Variants in ATP8B4 observed in about 807,000 individuals in gnomAD.
ATP8B4 encodes probable phospholipid-transporting ATPase IM.
A neutral mutation model predicts 145.6 loss-of-function variants in ATP8B4; 133 were observed. That is an observed-to-expected ratio of 0.91 (90% confidence interval 0.79 to 1.05). ATP8B4 has a LOEUF of 1.05. ATP8B4 is among the 50% of genes least tolerant of loss of function. The probability of loss-of-function intolerance (pLI) is 0.00; values close to 1 mark genes in which losing one functional copy is unlikely to be tolerated. For synonymous variants in ATP8B4, 507 were observed against 492.9 expected (o/e 1.03, Z -0.38); for missense variants, 1,458 against 1,425.2 (o/e 1.02, Z -0.37).
chr15:50,128,894 C>G (rs952760591), intron 1 of ATP8B4, among the ~76,000 whole-genome samples: 3 of 152,032 alleles, frequency 2.0e-5, no homozygotes, highest in Non-Finnish European at 2.9e-5. Flanking sequence ...ATGGTGAAAC[C>G]CTGTCTCTAC....
chr15:49,982,806 A>T (rs980327348), intron 10 of ATP8B4, among the ~76,000 whole-genome samples: 1 of 152,140 alleles, frequency 6.6e-6, no homozygotes, highest in Non-Finnish European at 1.5e-5. Context: ...CCCACTCGTT[A>T]CTCAACCCAG....
chr15:49,899,287 TCC>T (rs2037761993), intron 21 of ATP8B4, among the ~76,000 whole-genome samples: 1 of 152,156 alleles, frequency 6.6e-6, no homozygotes, highest in South Asian at 2.1e-4. Flanking sequence ...TAAATTTGTC[TCC>T]CTCTGTGCTC....
intron 6 of ATP8B4, among the ~76,000 whole-genome samples, chr15:50,021,271 T>G (rs1256731353): frequency 6.6e-6 from 1 of 152,248 alleles, no homozygotes. Flanking sequence ...ACCGTCATTC[T>G]GCTCTTGTCT....
intron 14 of ATP8B4, among the ~76,000 whole-genome samples, chr15:49,944,741 G>T (rs144766077): frequency 6.6e-6 from 1 of 152,088 alleles, no homozygotes; most frequent in African/African-American, 2.4e-5. Context: ...AAAACATTCT[G>T]CCCAACAACA....
At position 49,979,673 on chromosome 15, in the gene ATP8B4, T is replaced by A. The variant is rs773212330; in HGVS notation, c.978A>T (p.Thr326=). The part of the protein sequence containing the change: ...EKSSVFSGFL[T]FWSYIIILNT... ...TGAGAATAATAATATATGACCAGAATGTTAAGAATCCGGAGAACACAGAGC... is the reference window on the plus strand; with the variant it reads ...TGAGAATAATAATATATGACCAGAAAGTTAAGAATCCGGAGAACACAGAGC... The change falls in exon 12 of 28, where the codon ACA becomes ACT. Residue 326 remains threonine, a synonymous_variant. Transcript: ENST00000284509. 11 of 1,605,274 alleles carry A rather than the reference T, an allele frequency of 6.9e-6. No homozygotes were observed. Among genetic ancestry groups the A allele is most frequent in the Non-Finnish European group, 9.4e-6 (11 of 1,173,786 alleles).
intron 6 of ATP8B4, among the ~76,000 whole-genome samples, chr15:50,014,105 T>C (rs2048915856): frequency 6.6e-6 from 1 of 152,212 alleles, no homozygotes; most frequent in Non-Finnish European, 1.5e-5. Context: ...CATGTTCTAA[T>C]GCTCCTGATT....
intron 2 of ATP8B4, among the ~76,000 whole-genome samples, chr15:50,100,035 CAAAA>C (rs751319243): frequency 6.2e-5 from 5 of 80,254 alleles, no homozygotes; most frequent in Admixed American, 5.3e-4. Flanking sequence ...AACTCCATCT[CAAAA>C]AAAAAAAAAA....
intron 6 of ATP8B4, among the ~76,000 whole-genome samples, chr15:50,024,266 T>C (rs1383769012): frequency 6.6e-6 from 1 of 152,066 alleles, no homozygotes; most frequent in African/African-American, 2.4e-5. Context: ...TTCCAACAGA[T>C]ACTTAATAAC....
chr15:50,137,345 G>A (rs1299117182), intron 1 of ATP8B4, among the ~76,000 whole-genome samples: 1 of 152,084 alleles, frequency 6.6e-6, no homozygotes, highest in African/African-American at 2.4e-5. Flanking sequence ...CATGTTAGCC[G>A]GCACATTCTG....
intron 2 of ATP8B4, among the ~76,000 whole-genome samples, chr15:50,103,852 C>G (rs1281156815): frequency 3.3e-5 from 5 of 152,052 alleles, no homozygotes; most frequent in Non-Finnish European, 7.4e-5. Flanking sequence ...CCCTAGGCAC[C>G]AAAACAGCAT....
chr15:50,087,161 A>G lies in ATP8B4; in HGVS notation c.29-12976T>C, dbSNP rs1295495548. Among the ~76,000 whole-genome samples the G allele has an allele frequency of 3.1e-5, 4 of 127,710 alleles. No homozygotes were observed. In the Admixed American group the frequency reaches 3.3e-4, roughly 10 times the overall value. 83.8% of individuals were successfully genotyped at this position (127,710 alleles called of 152,430 possible). ...TATATTTATTATATATAATATATAG[A>G]TCTCTATTATATATAATAAATAGAT... On this transcript the variant is annotated intron_variant, in intron 2 of 27. Transcript: ENST00000284509.
At chr15:50,049,443 C>G (rs184983885) in intron 3 of ATP8B4, among the ~76,000 whole-genome samples, 4 of 152,292 alleles carry the variant, frequency 2.6e-5, no homozygotes, top group Admixed American at 1.3e-4. Flanking sequence ...AGATAATGGC[C>G]TCCAGCTTCA....
At chr15:49,887,675 A>G (rs1005924038) in intron 23 of ATP8B4, among the ~76,000 whole-genome samples, 9 of 151,982 alleles carry the variant, frequency 5.9e-5, no homozygotes, top group Admixed American at 5.2e-4. Flanking sequence ...AAAAAAAAAA[A>G]CAGGGAGGAG....
intron 1 of ATP8B4, among the ~76,000 whole-genome samples, chr15:50,149,345 T>C (rs1231780561): frequency 2.0e-5 from 3 of 152,208 alleles, no homozygotes; most frequent in Admixed American, 2.0e-4. Context: ...TGGTAGAGTC[T>C]GATCTGGTGA....
At position 50,166,648 on chromosome 15, in the gene ATP8B4, G is replaced by C. The variant is rs544957381; in HGVS notation, c.-43+15613C>G. ...AGTACAATAGTCTAATGGCTGGACA[G>C]AAACCTCAGCATTCTACACAATCAT... On this transcript the variant is annotated intron_variant, in intron 1 of 3. Transcript: ENST00000558829. 2.0e-5 allele frequency among the ~76,000 whole-genome samples: 3 copies of C among 152,328 alleles called. No homozygotes were observed. The East Asian group carries it at 5.8e-4, about 29-fold the overall frequency.
Position 49,918,852 on chromosome 15 carries a change from T to C in ATP8B4, c.2022A>G (p.Thr674=), listed in dbSNP as rs771914251. The C allele has an allele frequency of 6.2e-7, 1 of 1,609,460 alleles. No homozygotes were observed. Among genetic ancestry groups the C allele is most frequent in the Non-Finnish European group, 8.5e-7 (1 of 1,176,436 alleles). ...SLANIKIWVL[T]GDKQETAINI... is the part of the protein sequence containing the mutation. Reference sequence around the variant, plus strand: ...TTTTCAAGTTACCTTGTTTGTCTCCTGTTAGGACCCAGATCTTAATATTGG... The same window carrying C: ...TTTTCAAGTTACCTTGTTTGTCTCCCGTTAGGACCCAGATCTTAATATTGG... Residue 674 remains threonine, a synonymous_variant, in exon 19 of 28, where the codon ACA becomes ACG. Transcript: ENST00000284509.
At chr15:50,105,191 C>T (rs2056609341) in intron 2 of ATP8B4, among the ~76,000 whole-genome samples, 1 of 147,858 alleles carries the variant, frequency 6.8e-6, no homozygotes, top group Admixed American at 6.8e-5. Flanking sequence ...TCTCAGAAAT[C>T]ACCACTAAAG....
intron 1 of ATP8B4, among the ~76,000 whole-genome samples, chr15:50,174,854 A>T (rs1052869202): frequency 6.6e-6 from 1 of 152,226 alleles, no homozygotes; most frequent in Admixed American, 6.5e-5. Context: ...TTAAACAAAA[A>T]GAACAAATCT....
At chr15:49,880,084 G>A (rs1024318174) in intron 23 of ATP8B4, 15 of 152,220 alleles carry the variant, frequency 9.9e-5, no homozygotes, top group Admixed American at 4.6e-4. Context: ...TTTTGCCTAT[G>A]AGTACACACA....
Sources: allele counts gnomAD v4.1 joint callset (sites outside exome capture counted in the v4.1 genomes callset), GRCh38; gene constraint gnomAD v4.1.1; transcripts MANE v1.5; gene names NCBI Gene and HGNC (gene_info 2026-07-23, HGNC 2026-07-21).